The following ZNF618 variants were observed in gnomAD, a reference collection of about 807,000 sequenced individuals.
ZNF618 encodes the protein zinc finger protein 618.
In ZNF618, 34 loss-of-function variants were observed where a neutral mutation model predicts 103.0. That is an observed-to-expected ratio of 0.33 (90% CI 0.25 to 0.44). The LOEUF (loss-of-function observed/expected upper bound fraction) is 0.44, where lower values mean the gene tolerates loss of function less well. ZNF618 is among the 20% of genes least tolerant of loss of function. ZNF618 has a pLI of 1.00. For synonymous variants in ZNF618, 551 were observed against 542.2 expected, an observed-to-expected ratio of 1.02 and a Z score of -0.23; for missense variants, 1,059 against 1,295.4, an observed-to-expected ratio of 0.82 and a Z score of 2.80.
At chr9:113,893,837 A>G (rs1300095921) in intron 1 of ZNF618, among the ~76,000 whole-genome samples, 3 of 152,104 alleles carry the variant, frequency 2.0e-5, no homozygotes, top group East Asian at 1.9e-4. Flanking sequence ...TTAAGGGTAC[A>G]TATTAGTTTA....
intron 1 of ZNF618, among the ~76,000 whole-genome samples, chr9:113,918,799 C>T (rs1832360459): frequency 6.6e-6 from 1 of 152,178 alleles, no homozygotes; most frequent in Non-Finnish European, 1.5e-5. Flanking sequence ...TCATCTTGCA[C>T]CCCGGCCCTG....
intron 4 of ZNF618, among the ~76,000 whole-genome samples, chr9:113,998,727 C>T (rs958764115): frequency 3.9e-5 from 6 of 152,274 alleles, no homozygotes; most frequent in African/African-American, 1.2e-4. Context: ...TGCAGGACTT[C>T]GCAGGGCCTG....
At chr9:113,951,538 C>CACATGTGTAT (rs1564207925) in intron 1 of ZNF618, among the ~76,000 whole-genome samples, 26 of 54,324 alleles carry the variant, frequency 4.8e-4, no homozygotes, top group Non-Finnish European at 9.1e-4. Context: ...TATGTGTGTA[C>CACATGTGTAT]ATATGTACAC....
chr9:114,037,576 G>A (rs1181198444), intron 13 of ZNF618, among the ~76,000 whole-genome samples: 7 of 152,172 alleles, frequency 4.6e-5, no homozygotes, highest in Admixed American at 3.3e-4. Flanking sequence ...TGGGTGAGAC[G>A]TGCCTGACAT....
chr9:114,002,756 A>G, intron 6 of ZNF618, 94 bp downstream of exon 6: 2 of 1,439,182 alleles, frequency 1.4e-6, no homozygotes, highest in Non-Finnish European at 1.9e-6. Context: ...GAACTGCTCC[A>G]GGTGGCCTCT....
rs539743276 is a variant in ZNF618, at chr9:114,012,811, A to G, written c.755-3884A>G. 5.9e-5 allele frequency among the ~76,000 whole-genome samples: 9 copies of G among 152,328 alleles called. No individual in the cohort carries two copies. The East Asian group carries it at 1.7e-3, about 29-fold the overall frequency. On this transcript the variant is annotated intron_variant, in intron 9 of 14. Coordinates refer to ENST00000374126, the MANE Select transcript of ZNF618 (RefSeq NM_001318042.2). Reference sequence around the variant, plus strand: ...ACAGGGAGCCGGTTTCAGATAATTGATGTTATAGTACCAGTGGCCAGAAAC... The same window carrying G: ...ACAGGGAGCCGGTTTCAGATAATTGGTGTTATAGTACCAGTGGCCAGAAAC...
intron 1 of ZNF618, among the ~76,000 whole-genome samples, chr9:113,923,232 A>G (rs1253260886): frequency 6.6e-6 from 1 of 152,160 alleles, no homozygotes; most frequent in Admixed American, 6.5e-5. Context: ...ATCTGTGAAT[A>G]AAGAAATTTT....
intron 2 of ZNF618, among the ~76,000 whole-genome samples, chr9:113,978,995 A>C (rs1225317488): frequency 6.6e-6 from 1 of 152,170 alleles, no homozygotes; most frequent in African/African-American, 2.4e-5. Flanking sequence ...TCCACCCTGC[A>C]TGCTGGTGTG....
intron 13 of ZNF618, among the ~76,000 whole-genome samples, chr9:114,046,115 G>A (rs554427822): frequency 3.8e-4 from 58 of 152,146 alleles, no homozygotes; most frequent in Non-Finnish European, 4.4e-5. Flanking sequence ...TGTTTTGTAT[G>A]TATGTGGATT....
intron 2 of ZNF618, among the ~76,000 whole-genome samples, chr9:113,976,080 A>T (rs550314954): frequency 7.2e-5 from 11 of 152,262 alleles, no homozygotes; most frequent in Admixed American, 2.0e-4. Flanking sequence ...AATAAGAGAG[A>T]TTCTTGAAAA....
At chr9:114,010,186 A>G (rs1425891838) in intron 9 of ZNF618, among the ~76,000 whole-genome samples, 2 of 151,984 alleles carry the variant, frequency 1.3e-5, no homozygotes, top group Admixed American at 1.3e-4. Flanking sequence ...CTATAGCCCC[A>G]GCTACTTGGG....
At chr9:113,939,553 CAT>C (rs1834365571) in intron 1 of ZNF618, among the ~76,000 whole-genome samples, 1 of 152,030 alleles carries the variant, frequency 6.6e-6, no homozygotes, top group Non-Finnish European at 1.5e-5. Flanking sequence ...ATTTAGAAAA[CAT>C]AGATATAATT....
intron 10 of ZNF618, among the ~76,000 whole-genome samples, chr9:114,021,697 C>T (rs1219538449): frequency 6.6e-6 from 1 of 152,084 alleles, no homozygotes. Context: ...CCATCACCCC[C>T]AACAGTTTTC....
chr9:113,997,142 C>G (rs1425602232), intron 3 of ZNF618, among the ~76,000 whole-genome samples: 1 of 151,134 alleles, frequency 6.6e-6, no homozygotes, highest in East Asian at 1.9e-4. Context: ...GGGTCTTACT[C>G]TGTTGCCCAG....
chr9:114,029,008 C>G, intron 11 of ZNF618, 36 bp downstream of exon 11: 1 of 1,533,702 alleles, frequency 6.5e-7, no homozygotes, highest in East Asian at 2.5e-5. Context: ...CACTTTCTCC[C>G]CCACTGCCCT....
rs1340710653 is a variant in ZNF618 at position 114,001,351 on chromosome 9, G to C, written c.434-645G>C. 3.3e-5 allele frequency among the ~76,000 whole-genome samples: 5 copies of C among 152,254 alleles called. No homozygotes were observed. The East Asian group carries it at 7.7e-4, about 24-fold the overall frequency. On this transcript the variant is annotated intron_variant, in intron 4 of 14. Coordinates refer to ENST00000374126, the MANE Select transcript of ZNF618 (RefSeq NM_001318042.2). ...AACAAGACAACTCCTCAGCAGGTGT[G>C]GGGGGCGGTCCTCTCCTTGCTGAGC...
chr9:113,948,882 C>T (rs1024092530), intron 1 of ZNF618, among the ~76,000 whole-genome samples: 3 of 152,222 alleles, frequency 2.0e-5, no homozygotes, highest in African/African-American at 4.8e-5. Context: ...TATTTCTGCA[C>T]TTACCAGCTT....
chr9:113,951,268 TG>T (rs1835540773), intron 1 of ZNF618, among the ~76,000 whole-genome samples: 1 of 150,932 alleles, frequency 6.6e-6, no homozygotes, highest in South Asian at 2.1e-4. Flanking sequence ...TTTACCTTGC[TG>T]TGTTTTAGGG....
intron 9 of ZNF618, among the ~76,000 whole-genome samples, chr9:114,009,594 ATC>A (rs1279823281): frequency 6.6e-6 from 1 of 152,080 alleles, no homozygotes; most frequent in Non-Finnish European, 1.5e-5. Flanking sequence ...CCTGCTATTT[ATC>A]TCTCTGTTTT....
Sources: allele counts gnomAD v4.1 joint callset (sites outside exome capture counted in the v4.1 genomes callset), GRCh38; gene constraint gnomAD v4.1.1; transcripts MANE v1.5; gene names NCBI Gene and HGNC (gene_info 2026-07-23, HGNC 2026-07-21).